POLN: variants seen among roughly 807,000 people sequenced by gnomAD.
POLN encodes DNA polymerase N.
Under a neutral mutation model 113.5 loss-of-function variants are expected in POLN, and 108 were observed. That is an observed-to-expected ratio of 0.95 (90% CI 0.81 to 1.12). POLN has a LOEUF of 1.12. Ranked by LOEUF, POLN falls within the 50% of genes most tolerant of loss-of-function variation. The pLI, the probability that POLN is intolerant of heterozygous loss-of-function variation, is 0.00. For synonymous variants in POLN, 386 were observed against 391.5 expected (o/e 0.99, Z 0.17); for missense variants, 1,097 against 1,077.1 (o/e 1.02, Z -0.26).
intron 16 of POLN, among the ~76,000 whole-genome samples, chr4:2,146,003 T>C (rs1262333763): frequency 6.6e-6 from 1 of 151,448 alleles, no homozygotes; most frequent in African/African-American, 2.4e-5. Context: ...ACAGCAAATT[T>C]ATAAGTACAA....
In POLN at chr4:2,071,990, G is replaced by C. The variant is rs1730153976; in HGVS notation, c.*124C>G. The stretch of plus-strand genomic sequence containing the variant: ...CTTTGCACAGGCATTTACTCCAGGG[G>C]ATGGCGGGCCACCCCAGCCCCAAAG... On this transcript the variant is annotated 3_prime_UTR_variant, in exon 26 of 26. Transcript: ENST00000511885. This position sits in a 1 kb window ranked among gnomAD's most constrained non-coding sequence, Gnocchi z 5.2. 2 of 1,078,686 alleles carry C rather than the reference G, an allele frequency of 1.9e-6. No individual in the cohort carries two copies. Among genetic ancestry groups the C allele is most frequent in the Non-Finnish European group, 2.9e-6 (2 of 695,168 alleles). The allele number at this position is 1,078,686 out of a possible 1,614,324, so 66.8% of individuals were successfully genotyped here.
chr4:2,241,217 T>TG lies in POLN; in HGVS notation c.-13+302dup, dbSNP rs1734975075. The TG allele has an allele frequency of 8.8e-6, 3 of 342,682 alleles. No individual in the cohort carries two copies. In the Admixed American group the frequency reaches 1.4e-4, roughly 16 times the overall value. 21.2% of individuals were successfully genotyped at this position (342,682 alleles called of 1,614,324 possible). On this transcript the variant is annotated intron_variant, in intron 2 of 25. Coordinates refer to ENST00000511885, the MANE Select transcript of POLN (RefSeq NM_181808.4). ...AAATGACAGGTAGTCGTAGCTGCAA[T>TG]GTTTGATGATGATAAAGAGAAACAG...
At chr4:2,136,450 C>G (rs1731859220) in intron 16 of POLN, among the ~76,000 whole-genome samples, 1 of 152,186 alleles carries the variant, frequency 6.6e-6, no homozygotes, top group African/African-American at 2.4e-5. Flanking sequence ...GGGGAAAGTG[C>G]CAGCCATGTG....
intron 19 of POLN, among the ~76,000 whole-genome samples, chr4:2,097,288 A>C (rs1730817949): frequency 6.6e-6 from 1 of 151,572 alleles, no homozygotes; most frequent in South Asian, 2.1e-4. Flanking sequence ...TGCTAGGAAC[A>C]TGCTGCTGCC....
intron 4 of POLN, among the ~76,000 whole-genome samples, chr4:2,210,704 C>T (rs910022366): frequency 2.7e-5 from 4 of 148,212 alleles, no homozygotes; most frequent in East Asian, 3.9e-4. Flanking sequence ...AGATGGATCA[C>T]GAGGTCAGGA....
At position 2,162,844 on chromosome 4, in the gene POLN, C is replaced by G. The variant is rs182817355; in HGVS notation, c.1555-3633G>C. Among the ~76,000 whole-genome samples the G allele has an allele frequency of 1.8e-3, 274 of 151,894 alleles. 1 individual carries two copies. The highest frequency in any genetic ancestry group is 0.015 in the East Asian group (76 of 5,152). The stretch of plus-strand genomic sequence containing the variant: ...TGGTCCATTGGCCTATTTACTGACC[C>G]TCGAGTCAACACCACATGGTATTGC... On this transcript the variant is annotated intron_variant, in intron 13 of 25. Transcript: ENST00000511885.
At chr4:2,145,423 TTCA>T (rs780434905) in intron 16 of POLN, among the ~76,000 whole-genome samples, 55 of 152,070 alleles carry the variant, frequency 3.6e-4, no homozygotes, top group Non-Finnish European at 6.6e-4. Flanking sequence ...AAGACTAGTA[TTCA>T]TAATACATAA....
rs1399483573 is a variant in POLN at position 2,085,530 on chromosome 4, T to G, written c.2197+83A>C. Reference sequence around the variant, plus strand: ...CCAACCTCAGGACCCAGGGCCCGCCTGCACACCAACCACGCAGCTGTCCCC... The same window carrying G: ...CCAACCTCAGGACCCAGGGCCCGCCGGCACACCAACCACGCAGCTGTCCCC... On this transcript the variant is annotated intron_variant, in intron 21 of 25. Coordinates refer to ENST00000511885, the MANE Select transcript of POLN (RefSeq NM_181808.4). 3.2e-6 allele frequency: 5 copies of G among 1,576,360 alleles called. No homozygotes were observed. The African/African-American group carries it at 6.7e-5, about 21-fold the overall frequency.
intron 3 of POLN, chr4:2,228,196 T>C (rs1734447423): frequency 6.5e-6 from 1 of 154,974 alleles, no homozygotes; most frequent in Non-Finnish European, 1.4e-5. Context: ...AACCACAAAC[T>C]ATTGGCCCAG....
intron 5 of POLN, among the ~76,000 whole-genome samples, chr4:2,207,308 T>C (rs1337422283): frequency 6.6e-6 from 1 of 151,418 alleles, no homozygotes; most frequent in Non-Finnish European, 1.5e-5. Context: ...TGTATACTGC[T>C]TGAGTGATGG....
chr4:2,226,065 TAA>T (rs988855990), intron 3 of POLN, among the ~76,000 whole-genome samples: 3 of 152,206 alleles, frequency 2.0e-5, no homozygotes, highest in African/African-American at 7.2e-5. Context: ...AGCTGTTTTT[TAA>T]AGTCACTCAG....
At chr4:2,135,613 C>T (rs1006770046) in intron 16 of POLN, among the ~76,000 whole-genome samples, 5 of 152,126 alleles carry the variant, frequency 3.3e-5, no homozygotes, top group African/African-American at 7.2e-5. Context: ...TACCAAAGAC[C>T]GAGGGTGACC....
intron 19 of POLN, among the ~76,000 whole-genome samples, chr4:2,114,426 T>C (rs656796): frequency 0.78 from 118,246 of 152,098 alleles, 48,291 homozygotes; most frequent in Non-Finnish European, 0.9. Flanking sequence ...GCAGGTCTAC[T>C]AAGACACATT....
At chr4:2,106,211 A>G (rs949856601) in intron 19 of POLN, among the ~76,000 whole-genome samples, 5 of 152,226 alleles carry the variant, frequency 3.3e-5, no homozygotes, top group African/African-American at 1.2e-4. Flanking sequence ...AGCTGTGGAG[A>G]AAGAAACATC....
At position 2,081,023 on chromosome 4, in the gene POLN, G is replaced by A; in HGVS notation, c.2322C>T (p.Asp774=). The change falls in exon 23 of 26, where the codon GAC becomes GAT. Residue 774 remains aspartate (D), a synonymous_variant. Transcript: ENST00000511885. Reference sequence around the variant, plus strand: ...CATGGATCATGGCCAGCTTGCAGAGGTCAGCAGCGGAGCCTATGGGGCGCG... The same window carrying A: ...CATGGATCATGGCCAGCTTGCAGAGATCAGCAGCGGAGCCTATGGGGCGCG... ...VNFVVQGSAA[D]LCKLAMIHVF... is the part of the protein sequence containing the mutation. The A allele has an allele frequency of 1.2e-6, 2 of 1,613,792 alleles. No individual in the cohort carries two copies. Among genetic ancestry groups the A allele is most frequent in the Non-Finnish European group, 8.5e-7 (1 of 1,179,992 alleles).
chr4:2,124,433 G>T (rs914275975), intron 19 of POLN, among the ~76,000 whole-genome samples: 2 of 151,902 alleles, frequency 1.3e-5, no homozygotes, highest in Non-Finnish European at 2.9e-5. Flanking sequence ...CACCTCATCC[G>T]GCTAATTTAA....
intron 19 of POLN, among the ~76,000 whole-genome samples, chr4:2,102,245 C>T (rs1730944724): frequency 6.6e-6 from 1 of 152,186 alleles, no homozygotes; most frequent in Admixed American, 6.5e-5. Context: ...CTGTGCCTGC[C>T]TTCATCCCCA....
At chr4:2,184,000 C>A (rs1388689332) in intron 7 of POLN, among the ~76,000 whole-genome samples, 2 of 151,654 alleles carry the variant, frequency 1.3e-5, no homozygotes, top group Non-Finnish European at 2.9e-5. Context: ...ACTACAGGCG[C>A]ACGCCATCAT....
chr4:2,131,306 G>C lies in POLN; in HGVS notation c.1732-16C>G. 1 of 1,527,818 alleles carries C rather than the reference G, an allele frequency of 6.5e-7. No homozygotes were observed. Among genetic ancestry groups the C allele is most frequent in the Non-Finnish European group, 9.0e-7 (1 of 1,105,562 alleles). The allele number at this position is 1,527,818 out of a possible 1,614,324, so 94.6% of individuals were successfully genotyped here. A position where few individuals can be genotyped will look rare whatever the true frequency, so the allele number is the denominator to read the frequency against. ...CTTGGATATTCTGTTAATAATAAGA[G>C]ACTAGCTTTAGTTAAAATATCTACT... On this transcript the variant is annotated splice_polypyrimidine_tract_variant and intron_variant, in intron 16 of 25. Coordinates refer to ENST00000511885, the MANE Select transcript of POLN (RefSeq NM_181808.4).
Sources: allele counts gnomAD v4.1 joint callset (sites outside exome capture counted in the v4.1 genomes callset), GRCh38; gene constraint gnomAD v4.1.1; non-coding constraint Gnocchi (gnomAD v3.1); transcripts MANE v1.5; gene names NCBI Gene and HGNC (gene_info 2026-07-23, HGNC 2026-07-21).